Variants in ZSWIM5 observed in about 807,000 individuals in gnomAD.
ZSWIM5 encodes zinc finger SWIM domain-containing protein 5.
Under a neutral mutation model 119.6 loss-of-function variants are expected in ZSWIM5, and 55 were observed. The observed-to-expected ratio is 0.46, with a 90% CI of 0.37 to 0.58. The LOEUF is 0.58. ZSWIM5 is among the 20% of genes least tolerant of loss of function. ZSWIM5 has a pLI of 0.00. For missense variants in ZSWIM5, 1,193 were observed against 1,512.8 expected, an observed-to-expected ratio of 0.79 and a Z score of 3.51; for synonymous variants, 537 against 606.9, an observed-to-expected ratio of 0.88 and a Z score of 1.69.
At chr1:45,161,425 T>C (rs987381429) in intron 1 of ZSWIM5, among the ~76,000 whole-genome samples, 3 of 152,198 alleles carry the variant, frequency 2.0e-5, no homozygotes, top group Non-Finnish European at 4.4e-5. Flanking sequence ...CTGTTATTTT[T>C]TGTATTTTTA....
chr1:45,105,933 G>C (rs552176479), intron 1 of ZSWIM5, among the ~76,000 whole-genome samples: 1 of 133,178 alleles, frequency 7.5e-6, no homozygotes, highest in Non-Finnish European at 1.6e-5. Flanking sequence ...GAGCGCCTCT[G>C]CCCAGTTGCC....
intron 1 of ZSWIM5, among the ~76,000 whole-genome samples, chr1:45,128,468 G>A (rs533989233): frequency 3.0e-4 from 46 of 152,244 alleles, no homozygotes; most frequent in African/African-American, 1.1e-3. Context: ...CAAAGTGCTG[G>A]GATTACAGGT....
At chr1:45,024,317 G>A (rs1403562836) in intron 11 of ZSWIM5, among the ~76,000 whole-genome samples, 2 of 150,190 alleles carry the variant, frequency 1.3e-5, no homozygotes. Flanking sequence ...TCAGTCTCCC[G>A]AGTAGCTGGG....
In ZSWIM5 at chr1:45,016,971, CTG is replaced by C. The variant is rs1409839696; in HGVS notation, c.*1481_*1482del. 6.6e-6 allele frequency: 1 copy of C among 152,434 alleles called. No individual in the cohort carries two copies. Among genetic ancestry groups the C allele is most frequent in the Non-Finnish European group, 1.5e-5 (1 of 68,146 alleles). 9.4% of individuals were successfully genotyped at this position (152,434 alleles called of 1,614,324 possible). A position where few individuals can be genotyped will look rare whatever the true frequency, so the allele number is the denominator to read the frequency against. On this transcript the variant is annotated 3_prime_UTR_variant, in exon 14 of 14. Transcript: ENST00000359600. ...GCCTCCAAGTCAGCGAGCAATGAGA[CTG>C]TGACAAAAGCCGGCGAGGAAGCTTG...
intron 1 of ZSWIM5, among the ~76,000 whole-genome samples, chr1:45,178,249 A>G (rs1645992907): frequency 6.6e-6 from 1 of 151,966 alleles, no homozygotes; most frequent in Non-Finnish European, 1.5e-5. Flanking sequence ...AACAGGCTGA[A>G]ACCCTGTCTT....
intron 1 of ZSWIM5, among the ~76,000 whole-genome samples, chr1:45,109,945 C>T (rs1645506974): frequency 6.6e-6 from 1 of 151,954 alleles, no homozygotes; most frequent in Non-Finnish European, 1.5e-5. Flanking sequence ...GCTCACTGCA[C>T]TCTCAATCTC....
chr1:45,062,136 T>C (rs937740145), intron 2 of ZSWIM5, among the ~76,000 whole-genome samples: 4 of 152,182 alleles, frequency 2.6e-5, no homozygotes, highest in African/African-American at 9.7e-5. Flanking sequence ...GGTCACCATG[T>C]AGTGCAATAG....
intron 4 of ZSWIM5, 90 bp from the exon 5 acceptor site, chr1:45,051,343 G>C (rs1243809733): frequency 7.6e-7 from 1 of 1,320,968 alleles, no homozygotes; most frequent in Non-Finnish European, 1.0e-6. Flanking sequence ...AGATGGTAGA[G>C]AAAGTTTCCA....
In ZSWIM5 at chr1:45,018,984, G is replaced by A. The variant is rs1265259338; in HGVS notation, c.3028C>T (p.Arg1010Cys). The A allele has an allele frequency of 5.0e-6, 8 of 1,614,086 alleles. No individual in the cohort carries two copies. Among genetic ancestry groups the A allele is most frequent in the African/African-American group, 2.7e-5 (2 of 74,918 alleles). The change falls in exon 14 of 14, where the codon CGT becomes TGT. Residue 1010 changes from arginine (R) to cysteine (C), a missense_variant. This residue lies in a region of ZSWIM5 where 961 missense variants were observed against 1,290.0 expected (regional missense o/e 0.74). Coordinates refer to ENST00000359600, the MANE Select transcript of ZSWIM5 (RefSeq NM_020883.2). This position sits in a 1 kb window ranked among gnomAD's most constrained non-coding sequence, Gnocchi z 6.7. ...TTGAAGGCACGTAGCGGGTAGCCACGGAGCTCCATGTAGCGGGCGATGGTG... is the reference window on the plus strand; with the variant it reads ...TTGAAGGCACGTAGCGGGTAGCCACAGAGCTCCATGTAGCGGGCGATGGTG... ...LFTIARYMEL[R>C]GYPLRAFKLA...
At chr1:45,188,729 G>A (rs1443038597) in intron 1 of ZSWIM5, among the ~76,000 whole-genome samples, 1 of 152,294 alleles carries the variant, frequency 6.6e-6, no homozygotes, top group East Asian at 1.9e-4. Flanking sequence ...CGTCAAAACA[G>A]AGAGAAGATA....
At chr1:45,130,964 G>A (rs1478952714) in intron 1 of ZSWIM5, among the ~76,000 whole-genome samples, 1 of 152,184 alleles carries the variant, frequency 6.6e-6, no homozygotes, top group Non-Finnish European at 1.5e-5. Flanking sequence ...GAATTATGCT[G>A]AGTGAAAAGA....
At chr1:45,052,132 C>T (rs538709178) in intron 4 of ZSWIM5, among the ~76,000 whole-genome samples, 9 of 151,296 alleles carry the variant, frequency 5.9e-5, no homozygotes, top group South Asian at 4.2e-4. Context: ...CGCCCCCCCT[C>T]GCACCCCACC....
At chr1:45,068,966 C>A (rs914475933) in intron 2 of ZSWIM5, among the ~76,000 whole-genome samples, 1 of 151,532 alleles carries the variant, frequency 6.6e-6, no homozygotes, top group Non-Finnish European at 1.5e-5. Context: ...CCACCATGCC[C>A]AGCTAATCTT....
At chr1:45,111,364 A>G (rs912901132) in intron 1 of ZSWIM5, among the ~76,000 whole-genome samples, 2 of 152,262 alleles carry the variant, frequency 1.3e-5, no homozygotes, top group African/African-American at 4.8e-5. Context: ...TTATACATAG[A>G]AACAAAACAG....
At chr1:45,079,274 G>A (rs1194102691) in intron 2 of ZSWIM5, among the ~76,000 whole-genome samples, 2 of 152,002 alleles carry the variant, frequency 1.3e-5, no homozygotes, top group African/African-American at 2.4e-5. Context: ...GACTCAGCCC[G>A]CCTGCACCCA....
intron 2 of ZSWIM5, among the ~76,000 whole-genome samples, chr1:45,064,994 CT>C: frequency 6.6e-6 from 1 of 152,278 alleles, no homozygotes; most frequent in Admixed American, 6.5e-5. Flanking sequence ...GCTTATTCTG[CT>C]ACAGAGAATA....
At chr1:45,077,977 AT>A (rs1645265446) in intron 2 of ZSWIM5, among the ~76,000 whole-genome samples, 1 of 152,154 alleles carries the variant, frequency 6.6e-6, no homozygotes, top group Non-Finnish European at 1.5e-5. Context: ...CTGATTTCAT[AT>A]TGTACAAACA....
At chr1:45,116,881 C>A (rs1645561764) in intron 1 of ZSWIM5, among the ~76,000 whole-genome samples, 1 of 152,090 alleles carries the variant, frequency 6.6e-6, no homozygotes, top group Non-Finnish European at 1.5e-5. Flanking sequence ...CCATACCCAT[C>A]TTGGATAAGA....
intron 2 of ZSWIM5, among the ~76,000 whole-genome samples, chr1:45,084,631 A>G (rs1645313943): frequency 6.6e-6 from 1 of 152,244 alleles, no homozygotes; most frequent in Non-Finnish European, 1.5e-5. Flanking sequence ...GGGAGAAATC[A>G]GCCAAAAGAG....
Sources: gnomAD v4.1 joint callset for allele counts (sites outside exome capture counted in the v4.1 genomes callset) on GRCh38, gnomAD v4.1.1 for gene constraint, gnomAD v4.1.1 regional missense constraint, Gnocchi (gnomAD v3.1) non-coding constraint, MANE v1.5 for transcripts, NCBI Gene and HGNC (gene_info 2026-07-23, HGNC 2026-07-21) for gene names.